LSAMP: variants seen among roughly 807,000 people sequenced by gnomAD.
The protein encoded by LSAMP is limbic system associated membrane protein.
Under a neutral mutation model 38.6 loss-of-function variants are expected in LSAMP, and 7 were observed. The observed-to-expected ratio is 0.18, with a 90% CI of 0.10 to 0.34. The LOEUF is 0.34. Among genes scored for constraint, LSAMP ranks in the 10% least tolerant of loss-of-function variants. The pLI is 1.00. For synonymous variants in LSAMP, 154 were observed against 166.8 expected (o/e 0.92, Z 0.59); for missense variants, 313 against 420.0 (o/e 0.75, Z 2.23).
chr3:116,212,327 T>C (rs890027482), intron 1 of LSAMP, among the ~76,000 whole-genome samples: 4 of 152,210 alleles, frequency 2.6e-5, no homozygotes, highest in African/African-American at 9.6e-5. Flanking sequence ...AAGGTTTCTT[T>C]TTTTGTTTTG....
At chr3:115,912,452 G>T (rs1483156392) in intron 3 of LSAMP, among the ~76,000 whole-genome samples, 1 of 152,166 alleles carries the variant, frequency 6.6e-6, no homozygotes, top group Non-Finnish European at 1.5e-5. Flanking sequence ...GGTGTGGAAA[G>T]CCAGACTCTC....
At chr3:116,017,949 T>C (rs139107067) in intron 3 of LSAMP, among the ~76,000 whole-genome samples, 2 of 152,254 alleles carry the variant, frequency 1.3e-5, no homozygotes, top group East Asian at 3.9e-4. Context: ...GTAGGTGGCA[T>C]GGGATTGGAG....
intron 1 of LSAMP, among the ~76,000 whole-genome samples, chr3:116,316,849 G>A (rs370281787): frequency 2.0e-5 from 3 of 150,616 alleles, no homozygotes; most frequent in African/African-American, 7.3e-5. Flanking sequence ...GAGGTGTCAA[G>A]CATAAAAGTT....
At chr3:116,110,904 G>C (rs191744207) in intron 1 of LSAMP, among the ~76,000 whole-genome samples, 5 of 152,164 alleles carry the variant, frequency 3.3e-5, no homozygotes, top group African/African-American at 1.2e-4. Context: ...AAGAGTCAGC[G>C]AAGGGAGGTA....
intron 3 of LSAMP, among the ~76,000 whole-genome samples, chr3:115,879,231 T>A (rs541457337): frequency 6.6e-6 from 1 of 152,200 alleles, no homozygotes; most frequent in South Asian, 2.1e-4. Flanking sequence ...CCCTTTTCTG[T>A]TACCCATGAC....
chr3:116,193,089 A>G (rs1278431169), intron 1 of LSAMP, among the ~76,000 whole-genome samples: 1 of 152,190 alleles, frequency 6.6e-6, no homozygotes, highest in Non-Finnish European at 1.5e-5. Context: ...ATGCTTTATT[A>G]TTTATAAAGC....
Position 116,296,694 on chromosome 3 carries a change from C to CA in LSAMP, c.155+148182dup, listed in dbSNP as rs10659032. Among the ~76,000 whole-genome samples, 247 of 59,682 alleles carry CA rather than the reference C, an allele frequency of 4.1e-3. 13 individuals are homozygous for CA. Among genetic ancestry groups the CA allele is most frequent in the East Asian group, 9.9e-3 (16 of 1,616 alleles). 39.2% of individuals were successfully genotyped at this position (59,682 alleles called of 152,430 possible). A position where few individuals can be genotyped will look rare whatever the true frequency, so the allele number is the denominator to read the frequency against. ...TGGGCGACAGAGCGTGACTCTGTCT[C>CA]AAAAAAAAAAAAAAAAAAAAAAAAA... On this transcript the variant is annotated intron_variant, in intron 1 of 6. Transcript: ENST00000490035.
At chr3:116,185,552 T>A (rs1224726762) in intron 1 of LSAMP, among the ~76,000 whole-genome samples, 2 of 152,096 alleles carry the variant, frequency 1.3e-5, no homozygotes, top group African/African-American at 4.8e-5. Flanking sequence ...TATACTCTCC[T>A]TCATGTACAA....
At chr3:116,218,969 A>T (rs144471157) in intron 1 of LSAMP, among the ~76,000 whole-genome samples, 188 of 152,348 alleles carry the variant, frequency 1.2e-3, no homozygotes, top group African/African-American at 4.3e-3. Context: ...AGAACACTTA[A>T]CATGAGATCC....
chr3:116,166,993 G>T (rs556541115), intron 1 of LSAMP, among the ~76,000 whole-genome samples: 1 of 151,856 alleles, frequency 6.6e-6, no homozygotes, highest in African/African-American at 2.4e-5. Flanking sequence ...GGGTTTCACC[G>T]TGTTAGCCAG....
At chr3:116,255,623 T>A (rs1353148823) in intron 1 of LSAMP, among the ~76,000 whole-genome samples, 1 of 152,194 alleles carries the variant, frequency 6.6e-6, no homozygotes, top group African/African-American at 2.4e-5. Flanking sequence ...AATACTTTGG[T>A]AGCACATTAT....
At chr3:116,295,881 C>A (rs1051593783) in intron 1 of LSAMP, among the ~76,000 whole-genome samples, 2 of 152,150 alleles carry the variant, frequency 1.3e-5, no homozygotes, top group African/African-American at 2.4e-5. Flanking sequence ...AAGAAGGGGA[C>A]TAGAGTGTTA....
chr3:116,069,099 CTT>C (rs1707533762), intron 2 of LSAMP, among the ~76,000 whole-genome samples: 1 of 152,158 alleles, frequency 6.6e-6, no homozygotes, highest in East Asian at 1.9e-4. Flanking sequence ...TTCTATTACA[CTT>C]AGAATATCCA....
chr3:115,854,946 ATAGT>A (rs933909252), intron 3 of LSAMP, among the ~76,000 whole-genome samples: 6 of 152,210 alleles, frequency 3.9e-5, no homozygotes, highest in African/African-American at 4.8e-5. Context: ...TAATGAGAAA[ATAGT>A]TAATAATAAT....
chr3:115,858,856 G>A (rs562032775), intron 3 of LSAMP, among the ~76,000 whole-genome samples: 5 of 152,268 alleles, frequency 3.3e-5, no homozygotes, highest in African/African-American at 7.2e-5. Context: ...GCCATTTGAA[G>A]TTTCCTGTGA....
intron 1 of LSAMP, among the ~76,000 whole-genome samples, chr3:116,291,601 G>GAGTT (rs2047268447): frequency 6.6e-6 from 1 of 152,192 alleles, no homozygotes; most frequent in Non-Finnish European, 1.5e-5. Context: ...GAAATGACCT[G>GAGTT]AGTTAGAATA....
chr3:116,089,820 A>G (rs190789278), intron 1 of LSAMP, among the ~76,000 whole-genome samples: 2 of 152,144 alleles, frequency 1.3e-5, no homozygotes, highest in Non-Finnish European at 2.9e-5. Flanking sequence ...AATAAAATAA[A>G]AAGGAAACCA....
intron 3 of LSAMP, among the ~76,000 whole-genome samples, chr3:115,878,787 GTAATAA>G (rs945783443): frequency 6.6e-6 from 1 of 151,998 alleles, no homozygotes; most frequent in Non-Finnish European, 1.5e-5. Context: ...TAATAGAATT[GTAATAA>G]TAATAACAAC....
intron 2 of LSAMP, among the ~76,000 whole-genome samples, chr3:116,077,412 T>C (rs1225979806): frequency 1.3e-5 from 2 of 152,136 alleles, no homozygotes; most frequent in Non-Finnish European, 2.9e-5. Context: ...ATTTTGTTCC[T>C]CATGGGATTA....
Sources: allele counts gnomAD v4.1 joint callset (sites outside exome capture counted in the v4.1 genomes callset), GRCh38; gene constraint gnomAD v4.1.1; transcripts MANE v1.5; gene names NCBI Gene and HGNC (gene_info 2026-07-23, HGNC 2026-07-21).